The following PKP2 variants were observed in gnomAD, a reference collection of about 807,000 sequenced individuals.
The protein encoded by PKP2 is plakophilin 2.
In PKP2, 73 loss-of-function variants were observed where a neutral mutation model predicts 83.4. That is an observed-to-expected ratio of 0.88 (90% CI 0.72 to 1.06). The LOEUF (loss-of-function observed/expected upper bound fraction) is 1.06, where lower values mean the gene tolerates loss of function less well. Among genes scored for constraint, PKP2 ranks in the 50% least tolerant of loss-of-function variants. The pLI is 0.00. For missense variants in PKP2, 966 were observed against 1,065.4 expected (o/e 0.91, Z 1.30); for synonymous variants, 409 against 430.4 (o/e 0.95, Z 0.62).
rs747472526 is a variant in PKP2, at chr12:32,843,195, C to A, written c.1379-1990G>T. On this transcript the variant is annotated intron_variant, in intron 5 of 12. Coordinates refer to ENST00000340811, the MANE Select transcript of PKP2 (RefSeq NM_001005242.3). ...CAGGGGTCTCACCATGTTGGTCAGG[C>A]TGGTCTCGAACTCCTGACCTCGTGA... 2.0e-5 allele frequency: 11 copies of A among 539,712 alleles called. No individual in the cohort carries two copies. The highest frequency in any genetic ancestry group is 3.8e-5 in the African/African-American group (2 of 52,222). 33.4% of individuals were successfully genotyped at this position (539,712 alleles called of 1,614,324 possible).
chr12:32,839,505 T>A (rs1310686235), intron 6 of PKP2, among the ~76,000 whole-genome samples: 1 of 149,616 alleles, frequency 6.7e-6, no homozygotes, highest in African/African-American at 2.5e-5. Flanking sequence ...AGAGATGACA[T>A]ACAAACAGAA....
intron 4 of PKP2, among the ~76,000 whole-genome samples, chr12:32,864,367 ATATT>A (rs1300500068): frequency 6.7e-6 from 1 of 149,680 alleles, no homozygotes; most frequent in East Asian, 1.9e-4. Flanking sequence ...TATTATATAT[ATATT>A]ATCTATTCTA....
intron 1 of PKP2, among the ~76,000 whole-genome samples, chr12:32,883,642 ATTTG>A (rs1159979800): frequency 1.3e-5 from 2 of 152,252 alleles, no homozygotes; most frequent in East Asian, 3.9e-4. Context: ...ATTTCAAAGG[ATTTG>A]TTTATTTCGA....
chr12:32,840,021 G>A (rs892748175), intron 6 of PKP2, among the ~76,000 whole-genome samples: 3 of 152,110 alleles, frequency 2.0e-5, no homozygotes, highest in African/African-American at 4.8e-5. Flanking sequence ...CTGCATTCCC[G>A]CAGCACTTCA....
At chr12:32,813,748 C>T (rs1382520131) in intron 9 of PKP2, among the ~76,000 whole-genome samples, 1 of 150,788 alleles carries the variant, frequency 6.6e-6, no homozygotes, top group Non-Finnish European at 1.5e-5. Flanking sequence ...TACCACTGCA[C>T]TCCAGCCTGG....
chr12:32,892,824 G>GGA lies in PKP2; in HGVS notation c.223+3684_223+3685insTC, dbSNP rs1555149553. ...CAGATACCTGGGGTGGGGGCGGGGG[G>GGA]GGGGGGAGAACTGTGTAGCAAGTAG... On this transcript the variant is annotated intron_variant, in intron 1 of 12. Coordinates refer to ENST00000340811, the MANE Select transcript of PKP2 (RefSeq NM_001005242.3). Among the ~76,000 whole-genome samples, 2 of 113,486 alleles carry GGA rather than the reference G, an allele frequency of 1.8e-5. 1 individual carries two copies. The highest frequency in any genetic ancestry group is 3.8e-5 in the Non-Finnish European group (2 of 53,206). 74.5% of individuals were successfully genotyped at this position (113,486 alleles called of 152,430 possible).
At chr12:32,858,113 ATATT>A (rs1956769740) in intron 4 of PKP2, among the ~76,000 whole-genome samples, 1 of 93,236 alleles carries the variant, frequency 1.1e-5, no homozygotes, top group African/African-American at 4.3e-5. Flanking sequence ...ATATATATAT[ATATT>A]TATATATATT....
intron 6 of PKP2, among the ~76,000 whole-genome samples, chr12:32,825,080 A>C (rs921978178): frequency 1.6e-4 from 25 of 151,828 alleles, no homozygotes; most frequent in African/African-American, 5.1e-4. Context: ...TAGGGCCTTC[A>C]GGTTTTAAGA....
chr12:32,896,654 G>T lies in PKP2; in HGVS notation c.78C>A (p.Asp26Glu), dbSNP rs748077185. The change falls in exon 1 of 13, where the codon GAC (aspartate) becomes GAA (glutamate). Residue 26 changes from aspartate (D) to glutamate (E), a missense_variant. Asp to Glu is a conservative substitution (Grantham distance 45). Coordinates refer to ENST00000340811, the MANE Select transcript of PKP2 (RefSeq NM_001005242.3). ...VLGQQILGQL[D>E]SSSLALPSEA... is the part of the protein sequence containing the mutation. ...CGGAGGGCAGCGCCAGGCTGGAGCTGTCCAGTTGTCCCAGGATCTGCTGGC... is the reference window on the plus strand; with the variant it reads ...CGGAGGGCAGCGCCAGGCTGGAGCTTTCCAGTTGTCCCAGGATCTGCTGGC... 2 of 1,565,118 alleles carry T rather than the reference G, an allele frequency of 1.3e-6. No individual in the cohort carries two copies. The highest frequency in any genetic ancestry group is 2.3e-5 in the East Asian group (1 of 42,776).
intron 5 of PKP2, among the ~76,000 whole-genome samples, chr12:32,847,498 G>A (rs1337800674): frequency 6.6e-6 from 1 of 152,124 alleles, no homozygotes; most frequent in Non-Finnish European, 1.5e-5. Flanking sequence ...CAGGAGAAGA[G>A]GAAGCGTGAT....
chr12:32,814,952 A>C (rs938708539), intron 9 of PKP2, among the ~76,000 whole-genome samples: 3 of 151,982 alleles, frequency 2.0e-5, no homozygotes, highest in Non-Finnish European at 2.9e-5. Context: ...AATAATCTCA[A>C]CAATCTTGTC....
At chr12:32,825,046 T>C (rs1378460617) in intron 6 of PKP2, among the ~76,000 whole-genome samples, 1 of 151,800 alleles carries the variant, frequency 6.6e-6, no homozygotes, top group Non-Finnish European at 1.5e-5. Flanking sequence ...TGTCAATACC[T>C]CAGTCAACAA....
At chr12:32,797,951 G>A (rs1396614182) in intron 10 of PKP2, among the ~76,000 whole-genome samples, 1 of 152,096 alleles carries the variant, frequency 6.6e-6, no homozygotes, top group African/African-American at 2.4e-5. Flanking sequence ...GAGCCCAGGA[G>A]TTTGAGACCA....
chr12:32,862,116 T>C (rs1956804740), intron 4 of PKP2, among the ~76,000 whole-genome samples: 1 of 152,120 alleles, frequency 6.6e-6, no homozygotes, highest in Admixed American at 6.5e-5. Flanking sequence ...AGGCCGGTCT[T>C]GAACTCCTGG....
intron 6 of PKP2, among the ~76,000 whole-genome samples, chr12:32,826,305 C>CAAAAA (rs71068338): frequency 3.5e-5 from 3 of 84,674 alleles, no homozygotes; most frequent in Non-Finnish European, 7.0e-5. Flanking sequence ...GACACCGTCT[C>CAAAAA]AAAAAAAAAA....
At chr12:32,792,548 T>G (rs1956079086) in intron 12 of PKP2, 56 bp from the exon 13 acceptor site, 3 of 1,569,654 alleles carry the variant, frequency 1.9e-6, no homozygotes, top group South Asian at 1.1e-5. Context: ...CACAAGAAAA[T>G]GCAGTTTTTT....
chr12:32,874,632 C>A (rs1452667916), intron 3 of PKP2, among the ~76,000 whole-genome samples: 1 of 151,906 alleles, frequency 6.6e-6, no homozygotes, highest in Non-Finnish European at 1.5e-5. Flanking sequence ...AACAATAATC[C>A]AAAAATAGTA....
intron 6 of PKP2, 46 bp downstream of exon 6, chr12:32,840,982 A>G (rs770337059): frequency 6.7e-7 from 1 of 1,503,366 alleles, no homozygotes; most frequent in Admixed American, 1.7e-5. Flanking sequence ...GGGCTACCTA[A>G]TTTTTTATTG....
chr12:32,882,853 G>A (rs182571188), intron 1 of PKP2, among the ~76,000 whole-genome samples: 11 of 152,120 alleles, frequency 7.2e-5, no homozygotes, highest in Non-Finnish European at 1.5e-5. Context: ...ATCAACCTGG[G>A]TTCCTCCTTT....
Sources: allele counts gnomAD v4.1 joint callset (sites outside exome capture counted in the v4.1 genomes callset), GRCh38; gene constraint gnomAD v4.1.1; transcripts MANE v1.5; gene names NCBI Gene and HGNC (gene_info 2026-07-23, HGNC 2026-07-21).